The following GALNT13 variants were observed in gnomAD, a reference collection of about 807,000 sequenced individuals.
GALNT13 encodes polypeptide N-acetylgalactosaminyltransferase 13, also known as UDP-GalNAc:polypeptide N-acetylgalactosaminyltransferase 13.
Under a neutral mutation model 64.2 loss-of-function variants are expected in GALNT13, and 28 were observed. That is an observed-to-expected ratio of 0.44 (90% CI 0.32 to 0.60). The LOEUF (loss-of-function observed/expected upper bound fraction) is 0.60, where lower values mean the gene tolerates loss of function less well. Ranked by LOEUF, GALNT13 falls within the 20% of genes least tolerant of loss-of-function variation. GALNT13 has a pLI of 0.05. For missense variants in GALNT13, 577 were observed against 669.8 expected, an observed-to-expected ratio of 0.86 and a Z score of 1.53; for synonymous variants, 214 against 224.6, an observed-to-expected ratio of 0.95 and a Z score of 0.42.
intron 4 of GALNT13, among the ~76,000 whole-genome samples, chr2:154,184,964 C>A (rs1412326621): frequency 6.6e-6 from 1 of 151,986 alleles, no homozygotes; most frequent in Non-Finnish European, 1.5e-5. Flanking sequence ...TTTATGCCTG[C>A]ATATGTTTTG....
the GALNT13 span, among the ~76,000 whole-genome samples, chr2:153,108,145 T>C: frequency 2.0e-5 from 3 of 152,300 alleles, no homozygotes; most frequent in South Asian, 4.1e-4. Flanking sequence ...CCCAAAATTC[T>C]GGGATTATAG....
the GALNT13 span, among the ~76,000 whole-genome samples, chr2:153,267,363 C>A: frequency 6.6e-6 from 1 of 152,198 alleles, no homozygotes; most frequent in Non-Finnish European, 1.5e-5. Context: ...GGGCTTGACC[C>A]CTGCAGCAGA....
intron 4 of GALNT13, among the ~76,000 whole-genome samples, chr2:154,151,858 C>T (rs1387340213): frequency 6.6e-6 from 1 of 152,116 alleles, no homozygotes; most frequent in Admixed American, 6.5e-5. Flanking sequence ...GAATACAGCA[C>T]ACTGATGGGT....
chr2:154,276,935 A>G (rs1168526854), intron 8 of GALNT13, among the ~76,000 whole-genome samples: 2 of 152,092 alleles, frequency 1.3e-5, no homozygotes, highest in African/African-American at 4.8e-5. Context: ...TACATTTCCT[A>G]AGGCCTTCCC....
intron 3 of GALNT13, among the ~76,000 whole-genome samples, chr2:154,006,690 A>G (rs1215710219): frequency 6.6e-6 from 1 of 152,156 alleles, no homozygotes; most frequent in Non-Finnish European, 1.5e-5. Flanking sequence ...CAGATGCTGG[A>G]TTTATCTTGC....
At chr2:153,853,370 A>G in the GALNT13 span, among the ~76,000 whole-genome samples, 7 of 152,144 alleles carry the variant, frequency 4.6e-5, no homozygotes, top group Non-Finnish European at 8.8e-5. Flanking sequence ...TCAACCCTCA[A>G]TATTAACCAC....
At chr2:153,984,796 CCT>C (rs1694686866) in intron 3 of GALNT13, among the ~76,000 whole-genome samples, 1 of 151,752 alleles carries the variant, frequency 6.6e-6, no homozygotes, top group Admixed American at 6.6e-5. Flanking sequence ...TTTTATATTT[CCT>C]CTCTTTTTTT....
chr2:153,426,497 T>G, the GALNT13 span, among the ~76,000 whole-genome samples: 1 of 152,002 alleles, frequency 6.6e-6, no homozygotes, highest in Non-Finnish European at 1.5e-5. Context: ...ACTAGTCTTG[T>G]AAGTCTTTGT....
At chr2:154,139,572 C>T (rs1010089829) in intron 3 of GALNT13, among the ~76,000 whole-genome samples, 2 of 151,430 alleles carry the variant, frequency 1.3e-5, no homozygotes, top group African/African-American at 4.8e-5. Context: ...GGCCAACTGG[C>T]ACTTTGTCTT....
chr2:153,084,166 A>G, the GALNT13 span, among the ~76,000 whole-genome samples: 1 of 152,158 alleles, frequency 6.6e-6, no homozygotes, highest in African/African-American at 2.4e-5. Context: ...GAAGTTGGAT[A>G]ATGTGATACC....
At chr2:153,502,133 T>C in the GALNT13 span, among the ~76,000 whole-genome samples, 2 of 152,210 alleles carry the variant, frequency 1.3e-5, no homozygotes, top group African/African-American at 4.8e-5. Flanking sequence ...AGGTGGTGTT[T>C]GGTTACATGA....
the GALNT13 span, among the ~76,000 whole-genome samples, chr2:153,791,444 T>C: frequency 6.6e-6 from 1 of 152,120 alleles, no homozygotes; most frequent in South Asian, 2.1e-4. Context: ...GCTGGTGAGG[T>C]TGTGGAGAAA....
At chr2:153,681,150 C>T in the GALNT13 span, among the ~76,000 whole-genome samples, 2 of 151,814 alleles carry the variant, frequency 1.3e-5, no homozygotes, top group Non-Finnish European at 2.9e-5. Flanking sequence ...GCTACAGAAA[C>T]ATTGTAAATA....
chr2:153,887,370 C>T (rs966802606), intron 1 of GALNT13, among the ~76,000 whole-genome samples: 6 of 149,158 alleles, frequency 4.0e-5, no homozygotes, highest in African/African-American at 7.4e-5. Flanking sequence ...AACCGATTTT[C>T]GAAATAAAAT....
intron 4 of GALNT13, among the ~76,000 whole-genome samples, chr2:154,225,037 A>C (rs1053164508): frequency 3.3e-5 from 5 of 152,042 alleles, no homozygotes; most frequent in Admixed American, 1.3e-4. Context: ...CAAGCAAATA[A>C]ACAAAAACCC....
chr2:153,850,184 AAAAAAG>A, the GALNT13 span, among the ~76,000 whole-genome samples: 224 of 6,788 alleles, frequency 0.033, 5 homozygotes, highest in Admixed American at 0.058. Context: ...GTCTAAAAAA[AAAAAAG>A]AAAAAGAAAA....
the GALNT13 span, among the ~76,000 whole-genome samples, chr2:153,145,842 G>A: frequency 5.9e-5 from 9 of 151,892 alleles, no homozygotes; most frequent in South Asian, 8.3e-4. Flanking sequence ...GCATGACCTC[G>A]AACTATTAAA....
chr2:153,384,362 A>T, the GALNT13 span, among the ~76,000 whole-genome samples: 12 of 152,168 alleles, frequency 7.9e-5, no homozygotes, highest in African/African-American at 1.9e-4. Context: ...CATTTTTAAA[A>T]CTTCGTGTTC....
Position 154,040,066 on chromosome 2 carries a change from A to G in GALNT13, c.142+95427A>G, listed in dbSNP as rs755207688. On this transcript the variant is annotated intron_variant, in intron 3 of 12. Coordinates refer to ENST00000392825, the MANE Select transcript of GALNT13 (RefSeq NM_052917.4). ...AACTCATTTCATGTAGTTTTTATTA[A>G]ATAATTATTCAATGCCTACTACATA... 7.8e-5 allele frequency among the ~76,000 whole-genome samples: 11 copies of G among 140,892 alleles called. 2 individuals carry two copies. The highest frequency in any genetic ancestry group is 1.8e-4 in the Non-Finnish European group (11 of 61,338). The allele number at this position is 140,892 out of a possible 152,430, so 92.4% of individuals were successfully genotyped here. A position where few individuals can be genotyped will look rare whatever the true frequency, so the allele number is the denominator to read the frequency against.
Sources: allele counts gnomAD v4.1 joint callset (sites outside exome capture counted in the v4.1 genomes callset), GRCh38; gene constraint gnomAD v4.1.1; transcripts MANE v1.5; gene names NCBI Gene and HGNC (gene_info 2026-07-23, HGNC 2026-07-21).